Variants in SULF1 observed in about 807,000 individuals in gnomAD.
The protein encoded by SULF1 is sulfatase 1.
Under a neutral mutation model 110.5 loss-of-function variants are expected in SULF1, and 46 were observed. The observed-to-expected ratio is 0.42, with a 90% CI of 0.33 to 0.53. SULF1 has a LOEUF of 0.53. Among genes scored for constraint, SULF1 ranks in the 20% least tolerant of loss-of-function variants. SULF1 has a pLI of 0.12. For missense variants in SULF1, 941 were observed against 1,094.2 expected (o/e 0.86, Z 1.98); for synonymous variants, 371 against 387.1 (o/e 0.96, Z 0.49).
chr8:69,503,083 C>T (rs937458317), intron 3 of SULF1, among the ~76,000 whole-genome samples: 5 of 152,190 alleles, frequency 3.3e-5, no homozygotes, highest in African/African-American at 9.7e-5. Flanking sequence ...TAAAAAGCAA[C>T]GTCTTCAAGT....
chr8:69,541,742 A>G (rs1434788992), intron 3 of SULF1, among the ~76,000 whole-genome samples: 1 of 152,356 alleles, frequency 6.6e-6, no homozygotes, highest in South Asian at 2.1e-4. Context: ...ACAGGAAGCC[A>G]TTAAATAAGA....
chr8:69,497,005 G>A (rs2150564352), intron 2 of SULF1, among the ~76,000 whole-genome samples: 1 of 152,250 alleles, frequency 6.6e-6, no homozygotes, highest in Admixed American at 6.5e-5. Context: ...CCACATGCGT[G>A]CACCATCCAC....
intron 3 of SULF1, among the ~76,000 whole-genome samples, chr8:69,515,632 C>T (rs765913099): frequency 3.9e-5 from 6 of 152,228 alleles, no homozygotes; most frequent in Non-Finnish European, 8.8e-5. Context: ...TTTTCTACCA[C>T]ATGGTCAGAC....
chr8:69,488,649 T>G (rs1809795354), upstream of SULF1, among the ~76,000 whole-genome samples: 1 of 152,128 alleles, frequency 6.6e-6, no homozygotes, highest in Non-Finnish European at 1.5e-5. Flanking sequence ...AGCCTCCTCT[T>G]CACCCTGTTG....
At chr8:69,472,295 T>C (rs927539345) in intron 1 of SULF1, among the ~76,000 whole-genome samples, 1 of 152,146 alleles carries the variant, frequency 6.6e-6, no homozygotes, top group Non-Finnish European at 1.5e-5. Context: ...GAAATATTAA[T>C]AAAAACTTGG....
upstream of SULF1, among the ~76,000 whole-genome samples, chr8:69,489,067 G>T (rs1232676887): frequency 6.6e-6 from 1 of 152,142 alleles, no homozygotes; most frequent in Non-Finnish European, 1.5e-5. Context: ...AAGCAGGGGA[G>T]CTCACAGTTA....
At chr8:69,625,095 G>C (rs1445360465) in intron 15 of SULF1, among the ~76,000 whole-genome samples, 1 of 152,126 alleles carries the variant, frequency 6.6e-6, no homozygotes, top group Non-Finnish European at 1.5e-5. Context: ...GGGGCTGTTT[G>C]TTTACTTCAA....
chr8:69,526,166 A>G (rs777647853), intron 3 of SULF1, among the ~76,000 whole-genome samples: 12 of 152,190 alleles, frequency 7.9e-5, no homozygotes, highest in Non-Finnish European at 1.2e-4. Flanking sequence ...ACTTTGTACC[A>G]TAGAAGTATA....
At chr8:69,507,539 G>A (rs1811277385) in intron 3 of SULF1, among the ~76,000 whole-genome samples, 1 of 152,158 alleles carries the variant, frequency 6.6e-6, no homozygotes, top group Non-Finnish European at 1.5e-5. Flanking sequence ...GCCATTCCTG[G>A]AATAATTAGG....
rs1358799243 is a variant in SULF1, at chr8:69,603,661, T to C, written c.1247+5T>C. 3.7e-6 allele frequency: 6 copies of C among 1,610,652 alleles called. No individual in the cohort carries two copies. In the Middle Eastern group the frequency reaches 5.0e-4, roughly 133 times the overall value. On this transcript the variant is annotated splice_donor_5th_base_variant and intron_variant, in intron 12 of 22. Coordinates refer to ENST00000402687, the MANE Select transcript of SULF1 (RefSeq NM_001128205.2). The stretch of plus-strand genomic sequence containing the variant: ...TACATTCCTAGTGGAAAGAGGGTAA[T>C]TATTGGTTCCTGGGGTGCTTCTGGG...
At chr8:69,648,307 G>A (rs1812087168) in intron 22 of SULF1, among the ~76,000 whole-genome samples, 1 of 152,118 alleles carries the variant, frequency 6.6e-6, no homozygotes, top group Non-Finnish European at 1.5e-5. Flanking sequence ...AAAATATCCT[G>A]CCAGATAGCA....
intron 6 of SULF1, among the ~76,000 whole-genome samples, chr8:69,579,866 T>C (rs1004221208): frequency 3.3e-5 from 5 of 152,226 alleles, no homozygotes; most frequent in African/African-American, 7.2e-5. Context: ...ATTGCTTTCC[T>C]AATAATGAAT....
At chr8:69,545,529 T>G (rs1041951561) in intron 3 of SULF1, among the ~76,000 whole-genome samples, 2 of 152,214 alleles carry the variant, frequency 1.3e-5, no homozygotes, top group East Asian at 3.9e-4. Flanking sequence ...TTTTCTCTCT[T>G]TACTACATGA....
intron 6 of SULF1, among the ~76,000 whole-genome samples, chr8:69,578,930 A>G (rs989388332): frequency 1.3e-5 from 2 of 150,982 alleles, no homozygotes; most frequent in East Asian, 4.0e-4. Flanking sequence ...TTAGGAGGAC[A>G]AGGCTGGCGG....
chr8:69,620,624 C>T (rs969719823), intron 13 of SULF1, among the ~76,000 whole-genome samples: 16 of 152,202 alleles, frequency 1.1e-4, no homozygotes, highest in African/African-American at 1.9e-4. Flanking sequence ...AATTCAGGAG[C>T]GGAGAACAAA....
chr8:69,632,572 GAAGAA>G (rs1222950643), intron 19 of SULF1, among the ~76,000 whole-genome samples: 1 of 151,872 alleles, frequency 6.6e-6, no homozygotes, highest in Non-Finnish European at 1.5e-5. Context: ...AAAAAAAGAA[GAAGAA>G]AAGAAAAGTC....
At chr8:69,566,942 G>A (rs1030443607) in intron 5 of SULF1, among the ~76,000 whole-genome samples, 2 of 152,212 alleles carry the variant, frequency 1.3e-5, no homozygotes, top group Admixed American at 6.5e-5. Context: ...GAAAAATGAG[G>A]CTCAGAGAAG....
chr8:69,651,196 G>T (rs1285399862), intron 22 of SULF1, among the ~76,000 whole-genome samples: 1 of 151,748 alleles, frequency 6.6e-6, no homozygotes, highest in Non-Finnish European at 1.5e-5. Flanking sequence ...GGGATTGCAG[G>T]CACCTGCCAC....
intron 8 of SULF1, 41 bp downstream of exon 8, chr8:69,589,182 T>C: frequency 6.3e-7 from 1 of 1,583,756 alleles, no homozygotes; most frequent in Non-Finnish European, 8.6e-7. Context: ...CGAACATGCC[T>C]TTCCCTTTTC....
Sources: allele counts gnomAD v4.1 joint callset (sites outside exome capture counted in the v4.1 genomes callset), GRCh38; gene constraint gnomAD v4.1.1; transcripts MANE v1.5; gene names NCBI Gene and HGNC (gene_info 2026-07-23, HGNC 2026-07-21).